The following CTCF variants were observed in gnomAD, a reference collection of about 807,000 sequenced individuals.
The protein encoded by CTCF is transcriptional repressor CTCF.
In CTCF, 7 loss-of-function variants were observed where a neutral mutation model predicts 72.3. The ratio of observed to expected loss-of-function variants is 0.10; its 90% confidence interval spans 0.06 to 0.18. CTCF has a LOEUF of 0.18. Ranked by LOEUF, CTCF falls within the 10% of genes least tolerant of loss-of-function variation. CTCF has a pLI of 1.00. For synonymous variants in CTCF, 374 were observed against 315.8 expected (o/e 1.18, Z -1.95); for missense variants, 516 against 949.1 (o/e 0.54, Z 6.00).
intron 2 of CTCF, among the ~76,000 whole-genome samples, chr16:67,578,479 T>C (rs1241115669): frequency 6.6e-6 from 1 of 151,646 alleles, no homozygotes; most frequent in Non-Finnish European, 1.5e-5. Context: ...ATTACACACA[T>C]GTGCGGCCAT....
chr16:67,620,521 T>C (rs892549133), intron 5 of CTCF, among the ~76,000 whole-genome samples, 176 bp from the exon 6 acceptor site: 1 of 152,194 alleles, frequency 6.6e-6, no homozygotes, highest in East Asian at 1.9e-4. Flanking sequence ...TCTTAGATAA[T>C]GATATGGATT....
intron 8 of CTCF, 89 bp downstream of exon 8, chr16:67,626,804 T>A: frequency 1.0e-6 from 1 of 953,462 alleles, no homozygotes; most frequent in Non-Finnish European, 1.4e-6. Flanking sequence ...TGGCTGTTTT[T>A]AAAGATAGTA....
chr16:67,627,636 T>TA (rs542670309), intron 8 of CTCF: 8,191 of 131,246 alleles, frequency 0.062, 364 homozygotes, highest in African/African-American at 0.13. Flanking sequence ...CCATCTCTAC[T>TA]AAAAAAAAAA....
At chr16:67,609,785 G>A (rs1169302960) in intron 2 of CTCF, among the ~76,000 whole-genome samples, 1 of 152,060 alleles carries the variant, frequency 6.6e-6, no homozygotes, top group Admixed American at 6.5e-5. Context: ...ACCACGCCCG[G>A]CTAATTTTTT....
At chr16:67,581,756 G>C (rs1308222749) in intron 2 of CTCF, among the ~76,000 whole-genome samples, 1 of 152,040 alleles carries the variant, frequency 6.6e-6, no homozygotes, top group Non-Finnish European at 1.5e-5. Flanking sequence ...ACCCACCTCG[G>C]CCTCCCAAAG....
chr16:67,589,503 C>T (rs931815875), intron 2 of CTCF, among the ~76,000 whole-genome samples: 1 of 152,152 alleles, frequency 6.6e-6, no homozygotes, highest in African/African-American at 2.4e-5. Context: ...TTCCTTAAAG[C>T]CCTTCACCCA....
intron 2 of CTCF, among the ~76,000 whole-genome samples, chr16:67,594,675 TTG>T (rs1208557662): frequency 6.6e-6 from 1 of 152,216 alleles, no homozygotes; most frequent in Non-Finnish European, 1.5e-5. Context: ...AAACAGTGTT[TTG>T]TTTTTCCATG....
At chr16:67,584,433 C>A (rs183249767) in intron 2 of CTCF, among the ~76,000 whole-genome samples, 2 of 150,712 alleles carry the variant, frequency 1.3e-5, no homozygotes, top group Non-Finnish European at 3.0e-5. Context: ...CTCTGCCCCC[C>A]AGGTTCAAGC....
At chr16:67,601,650 A>T (rs1256049497) in intron 2 of CTCF, among the ~76,000 whole-genome samples, 1 of 151,954 alleles carries the variant, frequency 6.6e-6, no homozygotes, top group Non-Finnish European at 1.5e-5. Flanking sequence ...ATTTTTCTCT[A>T]TTAAAAATAG....
chr16:67,577,740 C>T (rs369964540), intron 2 of CTCF, among the ~76,000 whole-genome samples: 3 of 152,072 alleles, frequency 2.0e-5, no homozygotes, highest in Non-Finnish European at 4.4e-5. Flanking sequence ...AGCCACCGCT[C>T]CCAGCCAGTC....
chr16:67,624,079 G>GTGTT (rs139037474), intron 7 of CTCF, among the ~76,000 whole-genome samples: 2 of 93,778 alleles, frequency 2.1e-5, no homozygotes, highest in Non-Finnish European at 5.1e-5. Context: ...ATATGTGTGT[G>GTGTT]TGTGTGTGTG....
intron 2 of CTCF, among the ~76,000 whole-genome samples, chr16:67,583,341 G>A (rs1434777315): frequency 6.6e-6 from 1 of 152,080 alleles, no homozygotes; most frequent in East Asian, 1.9e-4. Context: ...CAATAAGGAA[G>A]GAGGAAATGA....
At chr16:67,628,319 G>T in intron 8 of CTCF, 51 bp from the exon 9 acceptor site, 4 of 1,566,132 alleles carry the variant, frequency 2.6e-6, no homozygotes, top group Non-Finnish European at 2.6e-6. Flanking sequence ...GGCAGCTGGG[G>T]CAGTAGCCCC....
rs146999240 is a variant in CTCF at position 67,574,198 on chromosome 16, C to T, written c.-10+2934C>T. Among the ~76,000 whole-genome samples the T allele has an allele frequency of 3.2e-3, 490 of 152,284 alleles. 2 individuals are homozygous for T. The highest frequency in any genetic ancestry group is 0.016 in the South Asian group (77 of 4,826). On this transcript the variant is annotated intron_variant, in intron 2 of 11. Coordinates refer to ENST00000264010, the MANE Select transcript of CTCF (RefSeq NM_006565.4). ...GACCACCTGTCCTTCCTACCAGTCA[C>T]AAGCCCATTCCTTCAGAGCTTCTGA...
chr16:67,627,581 T>G (rs2052307033), intron 8 of CTCF: 1 of 151,808 alleles, frequency 6.6e-6, no homozygotes, highest in Admixed American at 6.6e-5. Flanking sequence ...GGCAGATCAT[T>G]TGAGGTTGGG....
In CTCF at chr16:67,590,674, C is replaced by T. The variant is rs186721500; in HGVS notation, c.-10+19410C>T. 6.2e-3 allele frequency among the ~76,000 whole-genome samples: 944 copies of T among 151,226 alleles called. 6 individuals carry two copies. Among genetic ancestry groups the T allele is most frequent in the African/African-American group, 0.021 (869 of 41,340 alleles). On this transcript the variant is annotated intron_variant, in intron 2 of 11. Coordinates refer to ENST00000264010, the MANE Select transcript of CTCF (RefSeq NM_006565.4). ...TTAAAAATTGGCCGAGCACGGTGAT[C>T]GGCCAGGTGTGATGGCTCACACCTG...
chr16:67,636,581 A>G, intron 10 of CTCF, 109 bp from the exon 11 acceptor site: 1 of 328,650 alleles, frequency 3.0e-6, no homozygotes, highest in Non-Finnish European at 4.9e-6. Flanking sequence ...ATATATATAT[A>G]TATATATATT....
rs1470874631 is a variant in CTCF at position 67,620,629 on chromosome 16, T to C, written c.1087-68T>C. On this transcript the variant is annotated intron_variant, in intron 5 of 11. Coordinates refer to ENST00000264010, the MANE Select transcript of CTCF (RefSeq NM_006565.4). Reference sequence around the variant, plus strand: ...TGCCCCAAAGCTAAGCTTTTGTGCCTAACCTACTGTGCTCTTGTTACAGTC... The same window carrying C: ...TGCCCCAAAGCTAAGCTTTTGTGCCCAACCTACTGTGCTCTTGTTACAGTC... The C allele has an allele frequency of 8.5e-5, 116 of 1,365,834 alleles. 1 individual carries two copies. Among genetic ancestry groups the C allele is most frequent in the Non-Finnish European group, 1.3e-5 (13 of 1,017,006 alleles). The allele number at this position is 1,365,834 out of a possible 1,614,324, so 84.6% of individuals were successfully genotyped here. A position where few individuals can be genotyped will look rare whatever the true frequency, so the allele number is the denominator to read the frequency against.
At chr16:67,629,136 GTCTTC>G (rs1179280813) in intron 9 of CTCF, among the ~76,000 whole-genome samples, 2 of 151,552 alleles carry the variant, frequency 1.3e-5, no homozygotes, top group African/African-American at 2.4e-5. Flanking sequence ...CCTGTTCTGG[GTCTTC>G]TCTTGGGGGC....
Sources: gnomAD v4.1 joint callset for allele counts (sites outside exome capture counted in the v4.1 genomes callset) on GRCh38, gnomAD v4.1.1 for gene constraint, MANE v1.5 for transcripts, NCBI Gene and HGNC (gene_info 2026-07-23, HGNC 2026-07-21) for gene names.